Variants in UGT1A10 observed in about 807,000 individuals in gnomAD.
UGT1A10 encodes the protein UDP-glucuronosyltransferase 1A10.
A neutral mutation model predicts 45.8 loss-of-function variants in UGT1A10; 49 were observed. That is an observed-to-expected ratio of 1.07 (90% CI 0.85 to 1.36). The LOEUF (loss-of-function observed/expected upper bound fraction) is 1.36. UGT1A10 is among the 40% of genes most tolerant of loss of function. The pLI is 0.00. For missense variants in UGT1A10, 745 were observed against 668.6 expected (o/e 1.11, Z -1.26); for synonymous variants, 284 against 249.7 (o/e 1.14, Z -1.29).
chr2:233,707,127 T>C (rs1043935272), intron 1 of UGT1A10, among the ~76,000 whole-genome samples: 3 of 152,176 alleles, frequency 2.0e-5, no homozygotes, highest in African/African-American at 7.2e-5. Flanking sequence ...TGCATTAGGC[T>C]TTCTATCCCG....
At chr2:233,694,504 C>T (rs1266063005) in intron 1 of UGT1A10, among the ~76,000 whole-genome samples, 2 of 152,150 alleles carry the variant, frequency 1.3e-5, no homozygotes, top group African/African-American at 4.8e-5. Flanking sequence ...TACAGATGCC[C>T]TCCTGACATG....
chr2:233,743,773 C>T (rs367921172), intron 1 of UGT1A10: 3 of 1,367,248 alleles, frequency 2.2e-6, no homozygotes, highest in Non-Finnish European at 2.0e-6. Flanking sequence ...CCTCGGCCAC[C>T]TGCTTGAATC....
At chr2:233,718,069 G>T in intron 1 of UGT1A10, 1 of 347,944 alleles carries the variant, frequency 2.9e-6, no homozygotes, top group South Asian at 2.3e-5. Flanking sequence ...GTGGGTCCTT[G>T]CTAGGGTTGT....
chr2:233,662,406 C>T (rs2073992009), intron 1 of UGT1A10, among the ~76,000 whole-genome samples: 1 of 152,130 alleles, frequency 6.6e-6, no homozygotes, highest in South Asian at 2.1e-4. Context: ...AACAAATCTG[C>T]CCATAAATGG....
chr2:233,743,691 C>T (rs368518074), intron 1 of UGT1A10: 24 of 1,367,118 alleles, frequency 1.8e-5, no homozygotes, highest in Non-Finnish European at 2.2e-5. Context: ...CCTGTGCAGC[C>T]GCCCTCCGCC....
chr2:233,719,375 A>G, intron 1 of UGT1A10: 1 of 1,613,982 alleles, frequency 6.2e-7, no homozygotes, highest in Non-Finnish European at 8.5e-7. Context: ...TTAAGGGCAC[A>G]CAGTGTCCAA....
chr2:233,731,267 C>G (rs969941483), intron 1 of UGT1A10, among the ~76,000 whole-genome samples: 13 of 149,924 alleles, frequency 8.7e-5, no homozygotes, highest in Admixed American at 3.3e-4. Context: ...TGACTGTTGC[C>G]CTTCCAGTTT....
At chr2:233,747,985 G>A (rs1693830489) in intron 1 of UGT1A10, 11 of 1,613,486 alleles carry the variant, frequency 6.8e-6, no homozygotes, top group South Asian at 5.5e-5. Flanking sequence ...TGGCTGTTCC[G>A]AGGGGACTTT....
At position 233,693,134 on chromosome 2, in the gene UGT1A10, G is replaced by A. The variant is rs767703127; in HGVS notation, c.855+55757G>A. On this transcript the variant is annotated intron_variant, in intron 1 of 4. Transcript: ENST00000344644. ...CGGAAGCCACTGGCTTAGTATGAAG[G>A]ATATAGTTGAGGTTCTCAGTGACCG... 19 of 1,614,202 alleles carry A rather than the reference G, an allele frequency of 1.2e-5. No homozygotes were observed. Among genetic ancestry groups the A allele is most frequent in the Admixed American group, 1.7e-5 (1 of 60,028 alleles).
intron 1 of UGT1A10, among the ~76,000 whole-genome samples, chr2:233,665,478 T>C (rs552210006): frequency 9.9e-5 from 15 of 152,208 alleles, no homozygotes; most frequent in African/African-American, 3.6e-4. Context: ...AAGTAGTGCC[T>C]TGTACACTTT....
chr2:233,655,317 G>T (rs2073832229), intron 1 of UGT1A10, among the ~76,000 whole-genome samples: 1 of 152,102 alleles, frequency 6.6e-6, no homozygotes. Context: ...AACCCATGCA[G>T]GTTTGCCCAG....
intron 1 of UGT1A10, chr2:233,690,535 C>T (rs145397540): frequency 7.8e-7 from 1 of 1,289,774 alleles, no homozygotes; most frequent in African/African-American, 1.5e-5. Flanking sequence ...ACTTCTTTCA[C>T]CCCACTGGAA....
intron 1 of UGT1A10, among the ~76,000 whole-genome samples, chr2:233,726,020 TC>T (rs2125716931): frequency 6.6e-6 from 1 of 152,170 alleles, no homozygotes; most frequent in Admixed American, 6.5e-5. Flanking sequence ...CAAAAAATTA[TC>T]CAGGTGTGAT....
At chr2:233,697,865 T>C (rs944784384) in intron 1 of UGT1A10, among the ~76,000 whole-genome samples, 24 of 152,350 alleles carry the variant, frequency 1.6e-4, no homozygotes, top group African/African-American at 5.8e-4. Flanking sequence ...TATGCATTTA[T>C]TTAATGATTT....
intron 1 of UGT1A10, chr2:233,718,641 G>T: frequency 6.8e-7 from 1 of 1,475,748 alleles, no homozygotes; most frequent in Admixed American, 2.0e-5. Context: ...CCAGGGTTGG[G>T]CCCATAACGA....
chr2:233,699,787 C>T (rs1396107270), intron 1 of UGT1A10, among the ~76,000 whole-genome samples: 1 of 152,204 alleles, frequency 6.6e-6, no homozygotes, highest in South Asian at 2.1e-4. Flanking sequence ...CAAGTTTCCT[C>T]CTCTCATATT....
chr2:233,680,695 G>A (rs953367999), intron 1 of UGT1A10, among the ~76,000 whole-genome samples: 3 of 152,170 alleles, frequency 2.0e-5, no homozygotes, highest in African/African-American at 4.8e-5. Context: ...ATGAAAACAG[G>A]TAGAAGATGT....
At chr2:233,719,141 G>C in intron 1 of UGT1A10, 1 of 1,614,274 alleles carries the variant, frequency 6.2e-7, no homozygotes, top group Non-Finnish European at 8.5e-7. Flanking sequence ...AACATCTTCT[G>C]AAGAGATATT....
At chr2:233,731,933 C>A (rs562066404) in intron 1 of UGT1A10, among the ~76,000 whole-genome samples, 9 of 152,358 alleles carry the variant, frequency 5.9e-5, no homozygotes, top group Admixed American at 1.3e-4. Flanking sequence ...TCTCCACATC[C>A]TCTCCAACAT....
Sources: gnomAD v4.1 joint callset for allele counts (sites outside exome capture counted in the v4.1 genomes callset) on GRCh38, gnomAD v4.1.1 for gene constraint, MANE v1.5 for transcripts, NCBI Gene and HGNC (gene_info 2026-07-23, HGNC 2026-07-21) for gene names.